EFL1: variants seen among roughly 807,000 people sequenced by gnomAD.
The protein encoded by EFL1 is elongation factor-like GTPase 1.
A neutral mutation model predicts 126.7 loss-of-function variants in EFL1; 76 were observed. That is an observed-to-expected ratio of 0.60 (90% CI 0.50 to 0.73). The LOEUF (loss-of-function observed/expected upper bound fraction) is 0.73. Among genes scored for constraint, EFL1 ranks in the 30% least tolerant of loss-of-function variants. EFL1 has a pLI of 0.00. For synonymous variants in EFL1, 410 were observed against 448.4 expected (o/e 0.91, Z 1.08); for missense variants, 1,128 against 1,343.2 (o/e 0.84, Z 2.50).
At chr15:82,231,012 T>C in intron 7 of EFL1, 41 bp from the exon 8 acceptor site, 1 of 1,600,166 alleles carries the variant, frequency 6.2e-7, no homozygotes, top group Non-Finnish European at 8.5e-7. Flanking sequence ...ATAACAACGA[T>C]TATTGATTTC....
Position 82,230,950 on chromosome 15 carries a change from G to C in EFL1, c.753C>G (p.Ile251Met). Reference protein sequence around the residue: ...WGFGIEHFARIYSQKIGIKKE... With the variant: ...WGFGIEHFARMYSQKIGIKKE... ...TTTTGATGCCAATTTTTTGACTGTA[G>C]ATTCTGGCGAAGTGCTCAATTCTGA... Residue 251 changes from isoleucine (I) to methionine (M), a missense_variant, in exon 8 of 20, where the codon ATC becomes ATG. This residue lies in a region of EFL1 where 316 missense variants were observed against 318.5 expected (regional missense o/e 0.99). Coordinates refer to ENST00000268206, the MANE Select transcript of EFL1 (RefSeq NM_024580.6). The C allele has an allele frequency of 6.2e-7, 1 of 1,612,684 alleles. No individual in the cohort carries two copies. The highest frequency in any genetic ancestry group is 8.5e-7 in the Non-Finnish European group (1 of 1,179,384).
At chr15:82,161,732 T>C (rs1156895990) in intron 16 of EFL1, among the ~76,000 whole-genome samples, 3 of 152,224 alleles carry the variant, frequency 2.0e-5, no homozygotes, top group Non-Finnish European at 2.9e-5. Flanking sequence ...GGCCTACAAA[T>C]TGATAATCCT....
chr15:82,248,971 C>A (rs1205046249), intron 4 of EFL1, among the ~76,000 whole-genome samples: 6 of 151,954 alleles, frequency 3.9e-5, no homozygotes, highest in African/African-American at 1.5e-4. Flanking sequence ...AATAAGTAAG[C>A]TATTTGGGGG....
At chr15:82,170,627 C>T (rs551076808) in intron 15 of EFL1, among the ~76,000 whole-genome samples, 1 of 150,808 alleles carries the variant, frequency 6.6e-6, no homozygotes, top group East Asian at 1.9e-4. Context: ...GTGGTTCTAA[C>T]AGTCAGAGTA....
intron 18 of EFL1, among the ~76,000 whole-genome samples, chr15:82,140,139 AC>A (rs1220068547): frequency 6.6e-6 from 1 of 152,012 alleles, no homozygotes; most frequent in Non-Finnish European, 1.5e-5. Context: ...AATGAAAGGC[AC>A]CCCCTTTCCT....
intron 15 of EFL1, among the ~76,000 whole-genome samples, chr15:82,202,341 AT>A (rs1024452442): frequency 2.0e-5 from 3 of 152,114 alleles, no homozygotes; most frequent in Non-Finnish European, 4.4e-5. Flanking sequence ...AATAAATGAC[AT>A]TTTTTAAAAG....
chr15:82,144,829 C>A (rs1381185631), intron 18 of EFL1, among the ~76,000 whole-genome samples: 1 of 151,828 alleles, frequency 6.6e-6, no homozygotes, highest in Non-Finnish European at 1.5e-5. Flanking sequence ...CCTGTCTCTA[C>A]TAAAAATACA....
intron 4 of EFL1, among the ~76,000 whole-genome samples, chr15:82,244,340 C>T (rs2074951942): frequency 6.6e-6 from 1 of 152,006 alleles, no homozygotes; most frequent in African/African-American, 2.4e-5. Context: ...TAGGGGTTTA[C>T]CATGGTAGAT....
chr15:82,195,453 C>T lies in EFL1; in HGVS notation c.1750+19264G>A, dbSNP rs1166854148. ...GTTGCCTACTCTAAACTGATGTAGG[C>T]CCTTGGGAGAAATTAATTCTTGGGG... is the stretch of plus-strand genomic sequence containing the variant. On this transcript the variant is annotated intron_variant, in intron 15 of 19. Coordinates refer to ENST00000268206, the MANE Select transcript of EFL1 (RefSeq NM_024580.6). 2.6e-5 allele frequency among the ~76,000 whole-genome samples: 4 copies of T among 152,084 alleles called. No individual in the cohort carries two copies. In the East Asian group the frequency reaches 7.7e-4, roughly 29 times the overall value.
chr15:82,233,190 C>A, intron 7 of EFL1, among the ~76,000 whole-genome samples: 1 of 152,088 alleles, frequency 6.6e-6, no homozygotes, highest in African/African-American at 2.4e-5. Flanking sequence ...CCTTTTCATT[C>A]TTTTTTATCC....
At chr15:82,247,845 G>A (rs1222367619) in intron 4 of EFL1, among the ~76,000 whole-genome samples, 3 of 152,106 alleles carry the variant, frequency 2.0e-5, no homozygotes, top group African/African-American at 7.3e-5. Flanking sequence ...CATGTGGCTT[G>A]CATCGTGGGC....
At position 82,133,529 on chromosome 15, in the gene EFL1, T is replaced by C. The variant is rs930834410; in HGVS notation, c.3175-2968A>G. On this transcript the variant is annotated intron_variant, in intron 19 of 19. Coordinates refer to ENST00000268206, the MANE Select transcript of EFL1 (RefSeq NM_024580.6). ...TTATAACTGGTGAAACCTGAACAAG[T>C]GCTATGGGTGTATCAATGTCAATGT... Among the ~76,000 whole-genome samples the C allele has an allele frequency of 3.9e-5, 6 of 152,248 alleles. No individual in the cohort carries two copies. The Middle Eastern group carries it at 0.01, about 259-fold the overall frequency.
chr15:82,228,962 A>T, intron 9 of EFL1, 72 bp downstream of exon 9: 1 of 1,226,372 alleles, frequency 8.2e-7, no homozygotes. Flanking sequence ...CTGAAATATG[A>T]CTCATCAAAC....
At chr15:82,169,512 A>G (rs7173852) in intron 15 of EFL1, among the ~76,000 whole-genome samples, 97,172 of 151,960 alleles carry the variant, frequency 0.64, 32,706 homozygotes, top group African/African-American at 0.86. Context: ...CAGATTCCTG[A>G]CATGGACAAC....
chr15:82,259,045 C>G (rs1447112454), intron 3 of EFL1, 43 bp downstream of exon 3: 1 of 1,537,318 alleles, frequency 6.5e-7, no homozygotes, highest in Non-Finnish European at 9.0e-7. Context: ...TTGTTGATAG[C>G]TAATACTGAA....
chr15:82,214,218 TCAAA>T (rs1425428728), intron 15 of EFL1, among the ~76,000 whole-genome samples: 1 of 152,186 alleles, frequency 6.6e-6, no homozygotes, highest in African/African-American at 2.4e-5. Flanking sequence ...GGGACAGAAG[TCAAA>T]CAAGTGATAA....
intron 17 of EFL1, 79 bp downstream of exon 17, chr15:82,157,634 T>C: frequency 6.8e-7 from 1 of 1,473,022 alleles, no homozygotes; most frequent in Non-Finnish European, 9.1e-7. Flanking sequence ...GCAGTCTAAG[T>C]TCAACTGGTT....
chr15:82,207,496 TA>T (rs2074537891), intron 15 of EFL1, among the ~76,000 whole-genome samples: 1 of 151,902 alleles, frequency 6.6e-6, no homozygotes, highest in African/African-American at 2.4e-5. Flanking sequence ...ATATACAGGT[TA>T]AAAAACAGTA....
At chr15:82,200,305 G>A (rs1008105126) in intron 15 of EFL1, among the ~76,000 whole-genome samples, 29 of 152,176 alleles carry the variant, frequency 1.9e-4, no homozygotes, top group Non-Finnish European at 3.5e-4. Flanking sequence ...AAAAAAGAGG[G>A]AAAGCAGTAG....
Sources: gnomAD v4.1 joint callset for allele counts (sites outside exome capture counted in the v4.1 genomes callset) on GRCh38, gnomAD v4.1.1 for gene constraint, gnomAD v4.1.1 regional missense constraint, MANE v1.5 for transcripts, NCBI Gene and HGNC (gene_info 2026-07-23, HGNC 2026-07-21) for gene names.